NEBL: variants seen among roughly 807,000 people sequenced by gnomAD.
NEBL encodes the protein nebulette.
In NEBL, 122 loss-of-function variants were observed where a neutral mutation model predicts 140.2. The ratio of observed to expected loss-of-function variants is 0.87; its 90% CI spans 0.75 to 1.01. NEBL has a LOEUF of 1.01. Ranked by LOEUF, NEBL falls within the 50% of genes least tolerant of loss-of-function variation. The pLI is 0.00. For synonymous variants in NEBL, 436 were observed against 398.9 expected, an observed-to-expected ratio of 1.09 and a Z score of -1.11; for missense variants, 1,365 against 1,231.3, an observed-to-expected ratio of 1.11 and a Z score of -1.62.
chr10:20,942,063 T>G (rs1834900667), intron 4 of NEBL, among the ~76,000 whole-genome samples: 2 of 152,194 alleles, frequency 1.3e-5, no homozygotes, highest in Non-Finnish European at 2.9e-5. Flanking sequence ...ACCAATGACT[T>G]TCTTCACAGA....
intron 26 of NEBL, among the ~76,000 whole-genome samples, chr10:20,801,422 C>T (rs1344183126): frequency 1.3e-5 from 2 of 151,936 alleles, no homozygotes; most frequent in Non-Finnish European, 2.9e-5. Flanking sequence ...GTCTCGAACT[C>T]CTGACCTCAA....
At chr10:20,817,434 T>C (rs1376061774) in intron 21 of NEBL, among the ~76,000 whole-genome samples, 166 bp downstream of exon 21, 1 of 152,194 alleles carries the variant, frequency 6.6e-6, no homozygotes, top group Non-Finnish European at 1.5e-5. Context: ...AACACCTGAC[T>C]GTACCCACAA....
At chr10:21,086,386 C>T (rs1393084691) in intron 2 of NEBL, among the ~76,000 whole-genome samples, 1 of 152,186 alleles carries the variant, frequency 6.6e-6, no homozygotes, top group East Asian at 1.9e-4. Flanking sequence ...GCTATAGCTG[C>T]TCCCTATAGG....
intron 3 of NEBL, among the ~76,000 whole-genome samples, chr10:21,208,560 G>T (rs1188403522): frequency 6.6e-6 from 1 of 152,156 alleles, no homozygotes; most frequent in Non-Finnish European, 1.5e-5. Context: ...CTGACACAAG[G>T]GAAGTTTATT....
At chr10:20,826,589 T>C (rs1588701935) in intron 17 of NEBL, 50 bp from the exon 18 acceptor site, 4 of 1,380,184 alleles carry the variant, frequency 2.9e-6, no homozygotes, top group East Asian at 2.3e-5. Context: ...AGAATTCAAG[T>C]CCTAGATCCG....
Position 21,023,240 on chromosome 10 carries a change from T to C in NEBL, c.165-3039A>G, listed in dbSNP as rs1267711399. On this transcript the variant is annotated intron_variant, in intron 2 of 6. Transcript: ENST00000417816. ...CAATGATTAATTTGAAAATTTTACA[T>C]ATGGATTTTAACCATTTTTTAAACT... 2.6e-5 allele frequency among the ~76,000 whole-genome samples: 4 copies of C among 152,150 alleles called. No individual in the cohort carries two copies. In the East Asian group the frequency reaches 7.7e-4, roughly 29 times the overall value.
At chr10:20,845,920 C>T (rs1430296655) in intron 11 of NEBL, among the ~76,000 whole-genome samples, 1 of 152,020 alleles carries the variant, frequency 6.6e-6, no homozygotes, top group Non-Finnish European at 1.5e-5. Flanking sequence ...ATTTCTCTAC[C>T]ATCTATGGTG....
At chr10:21,009,201 C>T (rs7924089) in intron 3 of NEBL, among the ~76,000 whole-genome samples, 1,847 of 152,214 alleles carry the variant, frequency 0.012, 29 homozygotes, top group African/African-American at 0.042. Context: ...GGCTCTATGA[C>T]TGCCTAATTA....
intron 2 of NEBL, among the ~76,000 whole-genome samples, chr10:21,075,983 AC>A (rs2131918962): frequency 6.6e-6 from 1 of 152,322 alleles, no homozygotes; most frequent in East Asian, 1.9e-4. Flanking sequence ...ACAATGAGAT[AC>A]GACTGCACAC....
chr10:20,901,105 G>C (rs1847852327), upstream of NEBL, among the ~76,000 whole-genome samples: 1 of 152,104 alleles, frequency 6.6e-6, no homozygotes. Flanking sequence ...AAGGTACACA[G>C]TGATGTGAAA....
intron 2 of NEBL, among the ~76,000 whole-genome samples, chr10:20,891,173 T>C (rs1025241677): frequency 1.3e-5 from 2 of 152,210 alleles, no homozygotes; most frequent in Non-Finnish European, 2.9e-5. Context: ...AGTGAAGTTA[T>C]TTCAAAATCC....
chr10:20,909,294 C>T (rs965167802), intron 4 of NEBL, among the ~76,000 whole-genome samples: 3 of 151,810 alleles, frequency 2.0e-5, no homozygotes, highest in African/African-American at 7.3e-5. Context: ...CCACCACCAC[C>T]CCCACTACCC....
intron 4 of NEBL, among the ~76,000 whole-genome samples, chr10:20,927,443 T>G (rs1018946897): frequency 6.6e-6 from 1 of 152,180 alleles, no homozygotes; most frequent in Non-Finnish European, 1.5e-5. Context: ...TCATCACTGA[T>G]AGTAAATAAG....
chr10:20,846,631 A>G (rs1841973901), intron 11 of NEBL, among the ~76,000 whole-genome samples: 2 of 152,200 alleles, frequency 1.3e-5, no homozygotes, highest in African/African-American at 4.8e-5. Flanking sequence ...CCTTATGTGG[A>G]ATTAGTAGAG....
At position 21,247,865 on chromosome 10, in the gene NEBL, G is replaced by C. The variant is rs558495477; in HGVS notation, n.348+56C>G. On this transcript the variant is annotated intron_variant and non_coding_transcript_variant, in intron 3 of 8. Transcript: ENST00000675702. ...TAGATGACATTATAATCTATAAAAA[G>C]TTAGAAGAGATAAACGCTGAAAAAG... is the stretch of plus-strand genomic sequence containing the variant. The C allele has an allele frequency of 1.0e-3, 227 of 218,472 alleles. 1 individual carries two copies. The highest frequency in any genetic ancestry group is 1.6e-3 in the Admixed American group (35 of 22,278). The allele number at this position is 218,472 out of a possible 1,614,324, so 13.5% of individuals were successfully genotyped here.
At chr10:21,070,437 T>C (rs981462814) in intron 2 of NEBL, among the ~76,000 whole-genome samples, 5 of 152,202 alleles carry the variant, frequency 3.3e-5, no homozygotes, top group Admixed American at 3.3e-4. Context: ...ATCACGTATG[T>C]ATTTTTTCAT....
At chr10:20,902,687 C>T (rs1847923001) in intron 4 of NEBL, among the ~76,000 whole-genome samples, 2 of 152,136 alleles carry the variant, frequency 1.3e-5, no homozygotes, top group African/African-American at 4.8e-5. Context: ...GTTTCATTTA[C>T]AGCTTGAGAC....
chr10:20,809,823 C>G lies in NEBL; in HGVS notation c.2594G>C (p.Ser865Thr), dbSNP rs1392657113. The G allele has an allele frequency of 6.2e-7, 1 of 1,612,044 alleles. No homozygotes were observed. Among genetic ancestry groups the G allele is most frequent in the Non-Finnish European group, 8.5e-7 (1 of 1,178,372 alleles). ...AGTAATACCAGAGAGCATATGGAGACTTCTAGACTGAATATTGTCTTCCAG... is the reference window on the plus strand; with the variant it reads ...AGTAATACCAGAGAGCATATGGAGAGTTCTAGACTGAATATTGTCTTCCAG... ...DPLEDNIQSRSLHMLSEKASH... is the reference protein window; with the variant it reads ...DPLEDNIQSRTLHMLSEKASH... The change falls in exon 25 of 28, where the codon AGT (serine) becomes ACT (threonine). Residue 865 changes from serine (S) to threonine (T), a missense_variant. By Grantham distance (58) the Ser-to-Thr change is moderately conservative. Around this residue, in one of 2 missense-constraint regions of NEBL, gnomAD observed 1,323 missense variants for 1,154.8 expected, o/e 1.15. Coordinates refer to ENST00000377122, the MANE Select transcript of NEBL (RefSeq NM_006393.3).
chr10:21,149,965 C>G (rs1181969901), intron 2 of NEBL, among the ~76,000 whole-genome samples: 1 of 152,184 alleles, frequency 6.6e-6, no homozygotes, highest in East Asian at 1.9e-4. Flanking sequence ...GGGGTAAAAG[C>G]AGAGGAAAAA....
Sources: allele counts gnomAD v4.1 joint callset (sites outside exome capture counted in the v4.1 genomes callset), GRCh38; gene constraint gnomAD v4.1.1; regional missense constraint gnomAD v4.1.1; transcripts MANE v1.5; gene names NCBI Gene and HGNC (gene_info 2026-07-23, HGNC 2026-07-21).